Variants in SVIL observed in about 807,000 individuals in gnomAD.
SVIL encodes the protein supervillin.
Under a neutral mutation model 240.4 loss-of-function variants are expected in SVIL, and 101 were observed. The ratio of observed to expected loss-of-function variants is 0.42; its 90% CI spans 0.36 to 0.50. The LOEUF (loss-of-function observed/expected upper bound fraction) is 0.50, where lower values mean the gene tolerates loss of function less well. Ranked by LOEUF, SVIL falls within the 20% of genes least tolerant of loss-of-function variation. The probability of loss-of-function intolerance (pLI) is 0.01; values close to 1 mark genes in which losing one functional copy is unlikely to be tolerated. For missense variants in SVIL, 2,512 were observed against 2,818.7 expected (o/e 0.89, Z 2.46); for synonymous variants, 999 against 1,100.0 (o/e 0.91, Z 1.82).
intron 1 of SVIL, among the ~76,000 whole-genome samples, chr10:29,608,607 C>T (rs1328910608): frequency 4.6e-5 from 7 of 152,384 alleles, no homozygotes; most frequent in East Asian, 1.9e-4. Flanking sequence ...TCCAAGTGCC[C>T]GCTCCAGTGC....
chr10:29,577,466 G>C lies in SVIL; in HGVS notation c.-200-8154C>G, dbSNP rs534916140. ...TTCCATTCCTGAGTTACTTCACTTA[G>C]AATAATGGTCTCCAGCTCCATCCAG... On this transcript the variant is annotated intron_variant, in intron 1 of 37. Transcript: ENST00000355867. Among the ~76,000 whole-genome samples the C allele has an allele frequency of 2.6e-5, 4 of 152,194 alleles. 1 individual carries two copies. The highest frequency in any genetic ancestry group is 2.6e-4 in the Admixed American group (4 of 15,280).
intron 1 of SVIL, among the ~76,000 whole-genome samples, chr10:29,607,809 G>T (rs1357984001): frequency 2.0e-5 from 3 of 152,182 alleles, no homozygotes. Flanking sequence ...TTCCCATCCT[G>T]ACTCCAACCC....
At chr10:29,474,251 A>G (rs563827835) in intron 29 of SVIL, among the ~76,000 whole-genome samples, 9 of 152,250 alleles carry the variant, frequency 5.9e-5, no homozygotes, top group Non-Finnish European at 1.5e-5. Flanking sequence ...CCCTGAGAAA[A>G]AGATCTGTCA....
chr10:29,653,878 T>C (rs1958917956), intron 3 of SVIL, among the ~76,000 whole-genome samples: 1 of 152,154 alleles, frequency 6.6e-6, no homozygotes, highest in African/African-American at 2.4e-5. Context: ...ACAAATAATG[T>C]ATGAGTTTAT....
intron 17 of SVIL, among the ~76,000 whole-genome samples, chr10:29,499,777 C>T (rs190010449): frequency 3.3e-5 from 5 of 152,340 alleles, no homozygotes; most frequent in Non-Finnish European, 5.9e-5. Flanking sequence ...TTTTCTGGCA[C>T]TCTGCTTGCT....
chr10:29,514,802 C>T (rs7913801), intron 16 of SVIL, among the ~76,000 whole-genome samples: 66,505 of 152,004 alleles, frequency 0.44, 15,218 homozygotes, highest in African/African-American at 0.55. Flanking sequence ...TCTAAGGGTC[C>T]TTCTTCCAAG....
chr10:29,502,340 G>A (rs548848739), intron 17 of SVIL, among the ~76,000 whole-genome samples: 38 of 152,240 alleles, frequency 2.5e-4, no homozygotes, highest in African/African-American at 9.1e-4. Context: ...AACTCAAAAT[G>A]TGAGAACAAA....
chr10:29,642,879 T>A (rs569902241), intron 3 of SVIL, among the ~76,000 whole-genome samples: 1 of 152,158 alleles, frequency 6.6e-6, no homozygotes, highest in South Asian at 2.1e-4. Context: ...AGAGACTGGG[T>A]TTCACCATGT....
intron 1 of SVIL, among the ~76,000 whole-genome samples, chr10:29,728,790 G>C (rs1338191445): frequency 6.6e-6 from 1 of 152,162 alleles, no homozygotes; most frequent in Admixed American, 6.5e-5. Flanking sequence ...AGGATCGCAA[G>C]GGGGAAACTT....
At chr10:29,524,442 C>A in intron 14 of SVIL, 30 bp downstream of exon 14, 2 of 1,611,386 alleles carry the variant, frequency 1.2e-6, no homozygotes, top group Non-Finnish European at 1.7e-6. Context: ...CACACACACA[C>A]AAACTGCAAT....
At chr10:29,667,056 T>C (rs1959360025) in intron 2 of SVIL, among the ~76,000 whole-genome samples, 1 of 152,122 alleles carries the variant, frequency 6.6e-6, no homozygotes, top group African/African-American at 2.4e-5. Flanking sequence ...GCACAGGTAC[T>C]TTGGGAAACA....
At chr10:29,646,902 A>G (rs1958675322) in intron 3 of SVIL, among the ~76,000 whole-genome samples, 1 of 152,192 alleles carries the variant, frequency 6.6e-6, no homozygotes, top group Non-Finnish European at 1.5e-5. Context: ...TACTGAGGCA[A>G]ATTCAGTGAC....
At chr10:29,702,488 C>G (rs933916899) in intron 1 of SVIL, among the ~76,000 whole-genome samples, 2 of 152,194 alleles carry the variant, frequency 1.3e-5, no homozygotes, top group African/African-American at 4.8e-5. Flanking sequence ...GCTCACTCAG[C>G]TACTCCCTGG....
intron 2 of SVIL, among the ~76,000 whole-genome samples, chr10:29,658,454 A>C (rs761559529): frequency 6.6e-6 from 1 of 152,252 alleles, no homozygotes; most frequent in Non-Finnish European, 1.5e-5. Context: ...CAAATTTAAA[A>C]TCAGATCCAA....
chr10:29,638,789 G>A (rs1259993486), upstream of SVIL, among the ~76,000 whole-genome samples: 1 of 151,980 alleles, frequency 6.6e-6, no homozygotes, highest in Non-Finnish European at 1.5e-5. Flanking sequence ...CTTAAAAAGA[G>A]CACCTCTAAT....
At chr10:29,729,072 C>T (rs879835022) in intron 1 of SVIL, among the ~76,000 whole-genome samples, 33 of 152,116 alleles carry the variant, frequency 2.2e-4, no homozygotes, top group African/African-American at 8.0e-4. Context: ...GGTACTATGG[C>T]TGCATAAGGA....
At chr10:29,632,068 GGCTCCTAGCA>G (rs1244792425) in intron 1 of SVIL, among the ~76,000 whole-genome samples, 3 of 152,206 alleles carry the variant, frequency 2.0e-5, no homozygotes, top group Admixed American at 2.0e-4. Flanking sequence ...ACAATCACAA[GGCTCCTAGCA>G]GCTTACTCTC....
At chr10:29,650,305 C>T (rs1038425012) in intron 3 of SVIL, among the ~76,000 whole-genome samples, 10 of 152,028 alleles carry the variant, frequency 6.6e-5, no homozygotes, top group South Asian at 6.2e-4. Context: ...AGTAAAGAAG[C>T]GTGGGGAAAG....
intron 1 of SVIL, among the ~76,000 whole-genome samples, chr10:29,733,964 G>A (rs1457432961): frequency 1.3e-5 from 2 of 152,148 alleles, no homozygotes; most frequent in African/African-American, 4.8e-5. Context: ...CAGTAAGGTG[G>A]GCCATTATTT....
Sources: allele counts gnomAD v4.1 joint callset (sites outside exome capture counted in the v4.1 genomes callset), GRCh38; gene constraint gnomAD v4.1.1; transcripts MANE v1.5; gene names NCBI Gene and HGNC (gene_info 2026-07-23, HGNC 2026-07-21).